SAMD3: variants seen among roughly 807,000 people sequenced by gnomAD.
SAMD3 encodes the protein sterile alpha motif domain containing 3, also known as sterile alpha motif domain-containing protein 3.
SAMD3 carries 63 observed loss-of-function variants against 58.5 expected under a neutral mutation model. That is an observed-to-expected ratio of 1.08 (90% CI 0.88 to 1.33). SAMD3 has a LOEUF of 1.33. SAMD3 is among the 40% of genes most tolerant of loss of function. SAMD3 has a pLI of 0.00. For missense variants in SAMD3, 604 were observed against 608.4 expected (o/e 0.99, Z 0.08); for synonymous variants, 220 against 210.3 (o/e 1.05, Z -0.40).
At chr6:130,299,860 G>C (rs1443341038) in intron 2 of SAMD3, among the ~76,000 whole-genome samples, 1 of 152,078 alleles carries the variant, frequency 6.6e-6, no homozygotes, top group Non-Finnish European at 1.5e-5. Flanking sequence ...AATATCTATA[G>C]AAAACGAATA....
At chr6:130,351,994 G>A (rs1487868467) in intron 1 of SAMD3, among the ~76,000 whole-genome samples, 4 of 147,486 alleles carry the variant, frequency 2.7e-5, no homozygotes, top group Admixed American at 6.8e-5. Flanking sequence ...TTTCTCACTC[G>A]TAGGTGGGAA....
intron 2 of SAMD3, among the ~76,000 whole-genome samples, chr6:130,294,502 G>A (rs919852181): frequency 1.3e-5 from 2 of 152,114 alleles, no homozygotes; most frequent in Middle Eastern, 3.4e-3. Context: ...TAAGAACCAA[G>A]GTAAAACATT....
At chr6:130,355,087 A>G (rs903717298) in intron 1 of SAMD3, among the ~76,000 whole-genome samples, 13 of 152,316 alleles carry the variant, frequency 8.5e-5, no homozygotes, top group African/African-American at 3.1e-4. Flanking sequence ...TGCATCCTAC[A>G]TGCCATCTGT....
At chr6:130,293,216 A>G (rs777202112) in intron 2 of SAMD3, among the ~76,000 whole-genome samples, 2 of 152,232 alleles carry the variant, frequency 1.3e-5, no homozygotes, top group Non-Finnish European at 2.9e-5. Flanking sequence ...GTTGGAAAGT[A>G]GTTCAAAATG....
intron 2 of SAMD3, among the ~76,000 whole-genome samples, chr6:130,269,337 T>C (rs1032683866): frequency 6.6e-6 from 1 of 152,190 alleles, no homozygotes; most frequent in Non-Finnish European, 1.5e-5. Flanking sequence ...TGAAACCATT[T>C]GGGGCTGGAT....
At chr6:130,303,922 T>C (rs1775830293) in intron 2 of SAMD3, among the ~76,000 whole-genome samples, 2 of 152,250 alleles carry the variant, frequency 1.3e-5, no homozygotes, top group Non-Finnish European at 2.9e-5. Flanking sequence ...ATGTTTTGAT[T>C]AACATAAGGT....
In SAMD3 at chr6:130,268,825, A is replaced by G. The variant is rs558985626; in HGVS notation, c.-188+44153T>C. Among the ~76,000 whole-genome samples, 27 of 152,322 alleles carry G rather than the reference A, an allele frequency of 1.8e-4. No homozygotes were observed. In the South Asian group the frequency reaches 5.0e-3, roughly 28 times the overall value. On this transcript the variant is annotated intron_variant, in intron 2 of 13. Transcript: ENST00000368134. ...CCTAAAAACACATTTCTCAGAATGTATCTCTGCCATTAAATGATGCATGGC... is the reference window on the plus strand; with the variant it reads ...CCTAAAAACACATTTCTCAGAATGTGTCTCTGCCATTAAATGATGCATGGC...
intron 2 of SAMD3, among the ~76,000 whole-genome samples, chr6:130,267,936 T>G (rs922822640): frequency 6.6e-6 from 1 of 152,200 alleles, no homozygotes; most frequent in Non-Finnish European, 1.5e-5. Flanking sequence ...TAACTCCATG[T>G]CTGAGGAGTT....
chr6:130,215,740 T>C lies in SAMD3; in HGVS notation c.-21-446A>G, dbSNP rs568582947. 61 of 1,503,950 alleles carry C rather than the reference T, an allele frequency of 4.1e-5. No homozygotes were observed. The South Asian group carries it at 6.8e-4, about 17-fold the overall frequency. 93.2% of individuals were successfully genotyped at this position (1,503,950 alleles called of 1,614,324 possible). A position where few individuals can be genotyped will look rare whatever the true frequency, so the allele number is the denominator to read the frequency against. ...GGAGAGGAAGGGAGGAAGGATCAGA[T>C]AAAAGCCTGACAGAGATACTTAGTA... On this transcript the variant is annotated intron_variant, in intron 2 of 11. Coordinates refer to ENST00000439090, the MANE Select transcript of SAMD3 (RefSeq NM_001017373.4).
intron 2 of SAMD3, among the ~76,000 whole-genome samples, chr6:130,301,529 G>T (rs1775748050): frequency 6.6e-6 from 1 of 152,022 alleles, no homozygotes; most frequent in African/African-American, 2.4e-5. Context: ...TAAATTCAAT[G>T]CTATTCCTAT....
At chr6:130,361,687 A>AT (rs938281002) in intron 1 of SAMD3, among the ~76,000 whole-genome samples, 1 of 152,238 alleles carries the variant, frequency 6.6e-6, no homozygotes, top group African/African-American at 2.4e-5. Flanking sequence ...GAATTTTAAA[A>AT]TTTTATTTTG....
At chr6:130,225,880 T>C (rs1012856815), upstream of SAMD3, among the ~76,000 whole-genome samples, 1 of 152,230 alleles carries the variant, frequency 6.6e-6, no homozygotes, top group African/African-American at 2.4e-5. Flanking sequence ...CCTGGTAAAG[T>C]GCTAAGGAGA....
At chr6:130,234,403 A>C (rs1796625678) in intron 2 of SAMD3, among the ~76,000 whole-genome samples, 1 of 152,180 alleles carries the variant, frequency 6.6e-6, no homozygotes, top group African/African-American at 2.4e-5. Context: ...AAAGAAACTT[A>C]ATGTTTAATT....
intron 2 of SAMD3, among the ~76,000 whole-genome samples, chr6:130,288,409 A>T (rs759360101): frequency 5.3e-5 from 8 of 152,196 alleles, no homozygotes; most frequent in Non-Finnish European, 1.2e-4. Flanking sequence ...CATTACGGAG[A>T]GTAATTTGTT....
chr6:130,299,039 A>G (rs1394810642), intron 2 of SAMD3, among the ~76,000 whole-genome samples: 1 of 152,136 alleles, frequency 6.6e-6, no homozygotes, highest in East Asian at 1.9e-4. Context: ...CACTGACAAC[A>G]CTAGACAGAT....
chr6:130,348,553 T>C (rs1777537411), intron 1 of SAMD3, among the ~76,000 whole-genome samples: 1 of 152,056 alleles, frequency 6.6e-6, no homozygotes, highest in East Asian at 1.9e-4. Context: ...ATGCACCCAA[T>C]ACAAGAGCAT....
chr6:130,271,408 T>A (rs1390573593), intron 2 of SAMD3, among the ~76,000 whole-genome samples: 2 of 152,208 alleles, frequency 1.3e-5, no homozygotes, highest in East Asian at 3.8e-4. Context: ...TGTTTTCTCA[T>A]TGTGATTTTT....
Position 130,230,137 on chromosome 6 carries a change from C to T in SAMD3, c.-187-7324G>A, listed in dbSNP as rs147513584. 5.7e-3 allele frequency among the ~76,000 whole-genome samples: 860 copies of T among 152,164 alleles called. 4 individuals are homozygous for T. The highest frequency in any genetic ancestry group is 9.4e-3 in the Non-Finnish European group (641 of 67,998). On this transcript the variant is annotated intron_variant, in intron 2 of 13. Transcript: ENST00000368134. The stretch of plus-strand genomic sequence containing the variant: ...AACACAGATTTATTTGCATAGAGTG[C>T]CGTTAAGAGTTCCTGAACACTGAAG...
chr6:130,189,445 G>C (rs1281645087), intron 5 of SAMD3, among the ~76,000 whole-genome samples: 1 of 152,166 alleles, frequency 6.6e-6, no homozygotes, highest in African/African-American at 2.4e-5. Flanking sequence ...CTATGTTTAG[G>C]TCACCAAGTC....
Sources: allele counts gnomAD v4.1 joint callset (sites outside exome capture counted in the v4.1 genomes callset), GRCh38; gene constraint gnomAD v4.1.1; transcripts MANE v1.5; gene names NCBI Gene and HGNC (gene_info 2026-07-23, HGNC 2026-07-21).